Variants in L3MBTL4 observed in about 807,000 individuals in gnomAD.
L3MBTL4 encodes L3MBTL histone methyl-lysine binding protein 4, also known as lethal(3)malignant brain tumor-like protein 4.
Under a neutral mutation model 84.5 loss-of-function variants are expected in L3MBTL4, and 70 were observed. The observed-to-expected ratio is 0.83, with a 90% CI of 0.68 to 1.01. The LOEUF (loss-of-function observed/expected upper bound fraction) is 1.01, where lower values mean the gene tolerates loss of function less well. Among genes scored for constraint, L3MBTL4 ranks in the 50% least tolerant of loss-of-function variants. The pLI, the probability that L3MBTL4 is intolerant of heterozygous loss-of-function variation, is 0.00. For synonymous variants in L3MBTL4, 274 were observed against 259.8 expected (o/e 1.05, Z -0.52); for missense variants, 715 against 754.8 (o/e 0.95, Z 0.62).
chr18:6,257,476 G>T (rs554647734), intron 5 of L3MBTL4, among the ~76,000 whole-genome samples: 1 of 152,164 alleles, frequency 6.6e-6, no homozygotes, highest in East Asian at 1.9e-4. Context: ...TCCAGAAAGA[G>T]AAAATGCAGT....
intron 1 of L3MBTL4, among the ~76,000 whole-genome samples, chr18:6,325,119 A>C (rs958801899): frequency 2.0e-5 from 3 of 152,162 alleles, no homozygotes; most frequent in Non-Finnish European, 4.4e-5. Context: ...GTTGAAGATA[A>C]TTCCAGCAAA....
At chr18:6,328,509 T>G (rs1472042130) in intron 1 of L3MBTL4, among the ~76,000 whole-genome samples, 1 of 152,242 alleles carries the variant, frequency 6.6e-6, no homozygotes, top group Non-Finnish European at 1.5e-5. Flanking sequence ...GGAATATCTT[T>G]AATACACTGG....
chr18:6,046,972 T>C (rs1327238684), intron 16 of L3MBTL4, among the ~76,000 whole-genome samples: 1 of 152,120 alleles, frequency 6.6e-6, no homozygotes, highest in Non-Finnish European at 1.5e-5. Context: ...AAGTTAGTTA[T>C]TTGAACAGAT....
chr18:5,971,602 G>A (rs1177331585), intron 16 of L3MBTL4, among the ~76,000 whole-genome samples: 1 of 152,148 alleles, frequency 6.6e-6, no homozygotes, highest in Non-Finnish European at 1.5e-5. Flanking sequence ...ATTCCCAAAT[G>A]AAAGCTGAAG....
At chr18:6,356,735 A>C (rs983424632) in intron 1 of L3MBTL4, 1 of 152,246 alleles carries the variant, frequency 6.6e-6, no homozygotes, top group Non-Finnish European at 1.5e-5. Context: ...TCAGTGAATG[A>C]GCGGTGAGTG....
chr18:6,092,880 T>C (rs1201639835), intron 15 of L3MBTL4, among the ~76,000 whole-genome samples: 1 of 152,176 alleles, frequency 6.6e-6, no homozygotes, highest in East Asian at 1.9e-4. Flanking sequence ...TAAATTAAAA[T>C]GGAAACTATT....
At chr18:6,185,085 C>T (rs2044658373) in intron 12 of L3MBTL4, among the ~76,000 whole-genome samples, 1 of 152,122 alleles carries the variant, frequency 6.6e-6, no homozygotes, top group African/African-American at 2.4e-5. Context: ...TTGATGAATT[C>T]CATTTTGATC....
chr18:6,194,695 G>A (rs1361148778), intron 12 of L3MBTL4, among the ~76,000 whole-genome samples: 1 of 152,170 alleles, frequency 6.6e-6, no homozygotes, highest in East Asian at 1.9e-4. Context: ...GATCAGAAGA[G>A]AAGCCAGCCC....
intron 4 of L3MBTL4, among the ~76,000 whole-genome samples, chr18:6,290,376 TAAAAA>T (rs1345759244): frequency 6.6e-6 from 1 of 152,094 alleles, no homozygotes; most frequent in East Asian, 1.9e-4. Flanking sequence ...TTTGATTACT[TAAAAA>T]CTAAACAAAA....
intron 4 of L3MBTL4, among the ~76,000 whole-genome samples, chr18:6,281,727 G>A (rs1249432288): frequency 2.0e-5 from 3 of 152,092 alleles, no homozygotes; most frequent in Admixed American, 2.0e-4. Flanking sequence ...ACAACAACTA[G>A]CTGAGAAAAA....
Position 6,389,964 on chromosome 18 carries a change from C to T in L3MBTL4, c.-91+24837G>A, listed in dbSNP as rs147248211. ...AACAAATGGACTTAACTGGTATCTA[C>T]AGAACATTTTACCCAAGAACTGCAG... is the stretch of plus-strand genomic sequence containing the variant. On this transcript the variant is annotated intron_variant, in intron 1 of 18. Coordinates refer to ENST00000317931, the MANE Select transcript of L3MBTL4 (RefSeq NM_001330559.2). Among the ~76,000 whole-genome samples, 209 of 152,254 alleles carry T rather than the reference C, an allele frequency of 1.4e-3. 3 individuals are homozygous for T. The East Asian group carries it at 0.031, about 23-fold the overall frequency.
At chr18:6,115,826 G>C (rs991095892) in intron 14 of L3MBTL4, among the ~76,000 whole-genome samples, 1 of 152,182 alleles carries the variant, frequency 6.6e-6, no homozygotes, top group Non-Finnish European at 1.5e-5. Flanking sequence ...GCCACCCAGA[G>C]AATTTTAAAG....
At chr18:6,103,058 C>T (rs1042574336) in intron 14 of L3MBTL4, among the ~76,000 whole-genome samples, 1 of 152,166 alleles carries the variant, frequency 6.6e-6, no homozygotes, top group Non-Finnish European at 1.5e-5. Context: ...TGTAGCAACA[C>T]TAATGGCCTT....
chr18:6,099,291 T>C (rs1447782947), intron 14 of L3MBTL4, among the ~76,000 whole-genome samples: 1 of 151,962 alleles, frequency 6.6e-6, no homozygotes, highest in East Asian at 2.0e-4. Flanking sequence ...TCTTAGAAAA[T>C]ACTGATTGGC....
chr18:6,166,992 G>T (rs1296060804), intron 13 of L3MBTL4, among the ~76,000 whole-genome samples: 1 of 152,030 alleles, frequency 6.6e-6, no homozygotes, highest in Non-Finnish European at 1.5e-5. Flanking sequence ...TGACAAAGGG[G>T]ATATCACCAC....
intron 12 of L3MBTL4, among the ~76,000 whole-genome samples, chr18:6,209,093 G>C (rs910106669): frequency 2.0e-5 from 3 of 152,154 alleles, no homozygotes; most frequent in Admixed American, 2.0e-4. Flanking sequence ...CGAAAACATA[G>C]AGAATACTGG....
At chr18:6,343,998 A>C (rs1453971254) in intron 1 of L3MBTL4, among the ~76,000 whole-genome samples, 2 of 78,366 alleles carry the variant, frequency 2.6e-5, no homozygotes, top group African/African-American at 9.3e-5. Flanking sequence ...GAGCTAGAGG[A>C]AAAAAAAAAA....
At chr18:6,025,716 T>A (rs1486484660) in intron 16 of L3MBTL4, among the ~76,000 whole-genome samples, 1 of 152,172 alleles carries the variant, frequency 6.6e-6, no homozygotes, top group Non-Finnish European at 1.5e-5. Context: ...GCATCGCAGG[T>A]CATTAGGCAT....
At chr18:5,999,251 C>T (rs2054114224) in intron 16 of L3MBTL4, among the ~76,000 whole-genome samples, 2 of 152,176 alleles carry the variant, frequency 1.3e-5, no homozygotes, top group Admixed American at 1.3e-4. Context: ...GAAATTCCAC[C>T]CACTATTTAT....
Sources: allele counts gnomAD v4.1 joint callset (sites outside exome capture counted in the v4.1 genomes callset), GRCh38; gene constraint gnomAD v4.1.1; transcripts MANE v1.5; gene names NCBI Gene and HGNC (gene_info 2026-07-23, HGNC 2026-07-21).